Variants in INPP4B observed in about 807,000 individuals in gnomAD.
INPP4B encodes inositol polyphosphate 4-phosphatase type II.
Under a neutral mutation model 122.5 loss-of-function variants are expected in INPP4B, and 55 were observed. The ratio of observed to expected loss-of-function variants is 0.45; its 90% CI spans 0.36 to 0.56. The LOEUF is 0.56. Among genes scored for constraint, INPP4B ranks in the 20% least tolerant of loss-of-function variants. The pLI, the probability that INPP4B is intolerant of heterozygous loss-of-function variation, is 0.00. For synonymous variants in INPP4B, 403 were observed against 388.7 expected (o/e 1.04, Z -0.43); for missense variants, 1,000 against 1,097.7 (o/e 0.91, Z 1.26).
chr4:142,335,168 G>C (rs188055127), intron 7 of INPP4B, among the ~76,000 whole-genome samples: 16 of 149,804 alleles, frequency 1.1e-4, no homozygotes, highest in African/African-American at 3.7e-4. Flanking sequence ...GCAGCTGGAG[G>C]AGTTATAAAA....
chr4:142,080,051 C>T (rs550404233), intron 25 of INPP4B, among the ~76,000 whole-genome samples: 40 of 151,836 alleles, frequency 2.6e-4, no homozygotes, highest in Admixed American at 9.2e-4. Flanking sequence ...TCATTTAATC[C>T]CCGAGACACT....
At chr4:142,802,128 T>A (rs1778077709) in intron 1 of INPP4B, among the ~76,000 whole-genome samples, 1 of 152,096 alleles carries the variant, frequency 6.6e-6, no homozygotes, top group Non-Finnish European at 1.5e-5. Flanking sequence ...AGGCAGATAC[T>A]TGAAAGCCTA....
chr4:142,110,369 G>A (rs1040926565), intron 22 of INPP4B, among the ~76,000 whole-genome samples: 2 of 152,116 alleles, frequency 1.3e-5, no homozygotes, highest in Non-Finnish European at 2.9e-5. Flanking sequence ...TGTTGTTTAA[G>A]CCACCCAGTC....
intron 22 of INPP4B, among the ~76,000 whole-genome samples, chr4:142,109,684 G>T (rs117841830): frequency 1.3e-5 from 2 of 152,038 alleles, no homozygotes; most frequent in Admixed American, 1.3e-4. Flanking sequence ...CTTCCCCCAC[G>T]GATTCATCTC....
chr4:142,083,981 C>T (rs981395883), intron 24 of INPP4B, among the ~76,000 whole-genome samples: 2 of 152,064 alleles, frequency 1.3e-5, no homozygotes, highest in Admixed American at 1.3e-4. Context: ...AGGGCACTTC[C>T]ATCAGAGTAC....
At chr4:142,813,681 A>G (rs1779782523) in intron 1 of INPP4B, among the ~76,000 whole-genome samples, 1 of 152,180 alleles carries the variant, frequency 6.6e-6, no homozygotes, top group South Asian at 2.1e-4. Context: ...GTTTCATCTA[A>G]AAAGATCACA....
intron 3 of INPP4B, among the ~76,000 whole-genome samples, chr4:142,449,704 A>T (rs1432364762): frequency 6.6e-6 from 1 of 152,130 alleles, no homozygotes; most frequent in East Asian, 1.9e-4. Context: ...GTCCCAAAAA[A>T]AAAAAAAAGA....
At chr4:142,770,941 T>G (rs917135460) in intron 1 of INPP4B, among the ~76,000 whole-genome samples, 2 of 152,130 alleles carry the variant, frequency 1.3e-5, no homozygotes, top group African/African-American at 4.8e-5. Context: ...TAGCAGTTAG[T>G]CAGTCAATAA....
intron 10 of INPP4B, 30 bp from the exon 11 acceptor site, chr4:142,260,594 ATTTTG>A: frequency 8.4e-5 from 92 of 1,096,458 alleles, no homozygotes; most frequent in Non-Finnish European, 1.1e-4. Context: ...AAAAAAAAAA[ATTTTG>A]AGAACAATCA....
At chr4:142,226,924 T>C (rs1851851840) in intron 12 of INPP4B, among the ~76,000 whole-genome samples, 1 of 152,120 alleles carries the variant, frequency 6.6e-6, no homozygotes, top group Non-Finnish European at 1.5e-5. Flanking sequence ...TAGGAACTAA[T>C]TGAGGAAGAA....
chr4:142,145,727 C>G, intron 18 of INPP4B, 113 bp downstream of exon 18: 2 of 992,148 alleles, frequency 2.0e-6, no homozygotes, highest in Non-Finnish European at 3.1e-6. Context: ...AGCATGCTAT[C>G]AGCACTCTCA....
intron 2 of INPP4B, among the ~76,000 whole-genome samples, chr4:142,692,001 A>G (rs570216492): frequency 6.6e-6 from 1 of 152,206 alleles, no homozygotes; most frequent in Non-Finnish European, 1.5e-5. Context: ...ACAGAATCAT[A>G]CTTGGTCTTC....
At chr4:142,405,371 C>T (rs756696899) in intron 5 of INPP4B, 47 bp from the exon 6 acceptor site, 8 of 1,171,342 alleles carry the variant, frequency 6.8e-6, no homozygotes, top group Non-Finnish European at 1.0e-5. Context: ...AACACCATAT[C>T]TCAGGGAAAA....
intron 2 of INPP4B, among the ~76,000 whole-genome samples, chr4:142,711,287 G>A (rs764139428): frequency 3.9e-5 from 6 of 152,128 alleles, no homozygotes; most frequent in South Asian, 2.1e-4. Context: ...CCACCACAAC[G>A]TACTCTGACC....
At chr4:142,108,683 T>C (rs936095353) in intron 22 of INPP4B, among the ~76,000 whole-genome samples, 24 of 152,152 alleles carry the variant, frequency 1.6e-4, no homozygotes, top group Non-Finnish European at 2.9e-4. Context: ...GAGCCAGATT[T>C]CCCAGACAGT....
intron 7 of INPP4B, among the ~76,000 whole-genome samples, chr4:142,354,173 T>C (rs747090740): frequency 6.6e-6 from 1 of 152,000 alleles, no homozygotes; most frequent in Non-Finnish European, 1.5e-5. Flanking sequence ...AAAGTCACAA[T>C]CTGCCTTTTA....
At chr4:142,761,143 T>C (rs1175784708) in intron 1 of INPP4B, among the ~76,000 whole-genome samples, 2 of 151,460 alleles carry the variant, frequency 1.3e-5, no homozygotes, top group Non-Finnish European at 2.9e-5. Context: ...ATTTTGCTTA[T>C]ATAACTACAT....
At chr4:142,069,893 T>C (rs1031479261) in intron 25 of INPP4B, among the ~76,000 whole-genome samples, 1 of 152,158 alleles carries the variant, frequency 6.6e-6, no homozygotes, top group Non-Finnish European at 1.5e-5. Flanking sequence ...ACAGCCAAAA[T>C]CTACCAGAGG....
At chr4:142,758,621 G>C (rs1770844773) in intron 1 of INPP4B, among the ~76,000 whole-genome samples, 1 of 152,052 alleles carries the variant, frequency 6.6e-6, no homozygotes, top group Non-Finnish European at 1.5e-5. Flanking sequence ...ATATCACATA[G>C]AGATCACAGA....
Sources: allele counts gnomAD v4.1 joint callset (sites outside exome capture counted in the v4.1 genomes callset), GRCh38; gene constraint gnomAD v4.1.1; transcripts MANE v1.5; gene names NCBI Gene and HGNC (gene_info 2026-07-23, HGNC 2026-07-21).